Variants in NFATC3 observed in about 807,000 individuals in gnomAD.
The protein encoded by NFATC3 is nuclear factor of activated T cells 3, also known as nuclear factor of activated T-cells, cytoplasmic 3.
NFATC3 carries 46 observed loss-of-function variants against 98.6 expected under a neutral mutation model. That is an observed-to-expected ratio of 0.47 (90% CI 0.37 to 0.60). The LOEUF is 0.60. Among genes scored for constraint, NFATC3 ranks in the 20% least tolerant of loss-of-function variants. NFATC3 has a pLI of 0.00. For synonymous variants in NFATC3, 512 were observed against 472.2 expected (o/e 1.08, Z -1.09); for missense variants, 1,256 against 1,295.5 (o/e 0.97, Z 0.47).
At chr16:68,196,154 C>T (rs1035685471) in intron 9 of NFATC3, among the ~76,000 whole-genome samples, 1 of 152,060 alleles carries the variant, frequency 6.6e-6, no homozygotes, top group East Asian at 1.9e-4. Flanking sequence ...TATGGAGTCT[C>T]TATCACCCAG....
intron 3 of NFATC3, among the ~76,000 whole-genome samples, chr16:68,151,408 G>A (rs1000117298): frequency 1.3e-5 from 2 of 152,116 alleles, no homozygotes; most frequent in Admixed American, 1.3e-4. Flanking sequence ...ACAATGACAT[G>A]ATTTTTTGAA....
intron 6 of NFATC3, among the ~76,000 whole-genome samples, chr16:68,180,192 G>A (rs1281377255): frequency 1.3e-5 from 2 of 152,122 alleles, no homozygotes; most frequent in African/African-American, 4.8e-5. Context: ...CACAGAACTG[G>A]GGATGCTAGC....
intron 1 of NFATC3, among the ~76,000 whole-genome samples, chr16:68,091,230 T>C (rs1478717893): frequency 1.3e-5 from 2 of 152,204 alleles, no homozygotes; most frequent in Non-Finnish European, 2.9e-5. Flanking sequence ...TTGGGTATTA[T>C]ATACATAGCC....
At chr16:68,155,437 G>A (rs8044995) in intron 3 of NFATC3, among the ~76,000 whole-genome samples, 33,079 of 152,100 alleles carry the variant, frequency 0.22, 4,171 homozygotes, top group African/African-American at 0.34. Flanking sequence ...CTGAAGAGAT[G>A]CCCTGAGGCT....
In NFATC3 at chr16:68,121,367, T is replaced by G. The variant is rs562348562; in HGVS notation, c.104-620T>G. ...GTATTTTTTAGAATTATGGATGTGT[T>G]TTTTTTTTTTTAATAAACACATTTA... On this transcript the variant is annotated intron_variant, in intron 1 of 9. Coordinates refer to ENST00000346183, the MANE Select transcript of NFATC3 (RefSeq NM_173165.3). 5.5e-5 allele frequency among the ~76,000 whole-genome samples: 8 copies of G among 146,454 alleles called. No homozygotes were observed. In the East Asian group the frequency reaches 9.9e-4, roughly 18 times the overall value.
chr16:68,138,996 G>A lies in NFATC3; in HGVS notation c.1401+12386G>A, dbSNP rs560585211. 5.1e-4 allele frequency among the ~76,000 whole-genome samples: 77 copies of A among 151,942 alleles called. 4 individuals carry two copies. In the South Asian group the frequency reaches 0.015, roughly 30 times the overall value. On this transcript the variant is annotated intron_variant, in intron 3 of 9. Transcript: ENST00000346183. ...CACCTATCTATCCATTTACTTATTC[G>A]ATATGTATTTTTTGATTGCTCACTA...
chr16:68,120,718 G>T (rs1359033663), intron 1 of NFATC3, among the ~76,000 whole-genome samples: 1 of 150,714 alleles, frequency 6.6e-6, no homozygotes, highest in Non-Finnish European at 1.5e-5. Flanking sequence ...GGGCGACAGA[G>T]CAAGACTCCA....
intron 8 of NFATC3, among the ~76,000 whole-genome samples, chr16:68,185,566 A>C (rs940768668): frequency 6.6e-6 from 1 of 151,958 alleles, no homozygotes; most frequent in Non-Finnish European, 1.5e-5. Context: ...ACTACCTTAT[A>C]ATGGTAGTAA....
intron 6 of NFATC3, among the ~76,000 whole-genome samples, chr16:68,177,377 A>G (rs561717814): frequency 3.3e-5 from 5 of 152,208 alleles, no homozygotes; most frequent in African/African-American, 1.2e-4. Context: ...CTAGGACTTT[A>G]TTCCTTTCCC....
intron 4 of NFATC3, among the ~76,000 whole-genome samples, chr16:68,164,654 C>T (rs1034053637): frequency 2.0e-5 from 3 of 151,536 alleles, no homozygotes; most frequent in Admixed American, 6.6e-5. Context: ...CTGAGGTGGG[C>T]GGATCACGAG....
chr16:68,163,424 C>T (rs1480936320), intron 4 of NFATC3, among the ~76,000 whole-genome samples: 20 of 151,014 alleles, frequency 1.3e-4, no homozygotes, highest in Non-Finnish European at 1.5e-5. Context: ...GGGCTTCTCA[C>T]TTCCCAGTAG....
In NFATC3 at chr16:68,214,352, CACCAG is replaced by C. The variant is rs762712531; in HGVS notation, c.3107-11997_3107-11993del. On this transcript the variant is annotated intron_variant, in intron 9 of 9. Transcript: ENST00000346183. ...AGACCAATTTATATCTGACTTGGAA[CACCAG>C]CCATCAGGTTCAGCAGAGAAATGGC... 15 of 1,614,168 alleles carry C rather than the reference CACCAG, an allele frequency of 9.3e-6. No homozygotes were observed. In the Admixed American group the frequency reaches 2.5e-4, roughly 27 times the overall value.
intron 9 of NFATC3, among the ~76,000 whole-genome samples, chr16:68,215,654 A>C (rs773184139): frequency 1.3e-5 from 2 of 151,516 alleles, no homozygotes; most frequent in African/African-American, 4.8e-5. Context: ...AGAATTAGAT[A>C]CAGAGGGGAA....
At chr16:68,163,233 G>A (rs1335182727) in intron 4 of NFATC3, among the ~76,000 whole-genome samples, 3 of 151,868 alleles carry the variant, frequency 2.0e-5, no homozygotes, top group African/African-American at 7.3e-5. Context: ...ATCATGGCCC[G>A]TTCTCAATGA....
chr16:68,204,089 A>G (rs1423198983), intron 9 of NFATC3, among the ~76,000 whole-genome samples: 1 of 152,080 alleles, frequency 6.6e-6, no homozygotes, highest in East Asian at 1.9e-4. Flanking sequence ...TTGGGAGGCT[A>G]AGGCAGGAGA....
chr16:68,191,237 T>C lies in NFATC3; in HGVS notation c.2568T>C (p.Ser856=), dbSNP rs2040408484. The C allele has an allele frequency of 6.2e-7, 1 of 1,614,074 alleles. No individual in the cohort carries two copies. The highest frequency in any genetic ancestry group is 8.5e-7 in the Non-Finnish European group (1 of 1,180,052). Residue 856 remains serine (S), a synonymous_variant, in exon 9 of 10, where the codon TCT becomes TCC. Coordinates refer to ENST00000346183, the MANE Select transcript of NFATC3 (RefSeq NM_173165.3). ...CACTGTCATCCATACCATTTCATTC[T>C]TCAAATTCAGGCTCAACAGGACATC... ...CQPLSSIPFH[S]SNSGSTGHLL... is the part of the protein sequence containing the mutation.
intron 3 of NFATC3, among the ~76,000 whole-genome samples, chr16:68,131,217 A>C (rs2037095623): frequency 1.3e-5 from 2 of 152,134 alleles, no homozygotes; most frequent in Non-Finnish European, 2.9e-5. Context: ...GATTGCATTG[A>C]ATCTGTAGAA....
chr16:68,202,502 T>C (rs893215423), intron 9 of NFATC3, among the ~76,000 whole-genome samples: 4 of 152,168 alleles, frequency 2.6e-5, no homozygotes, highest in South Asian at 2.1e-4. Context: ...GTGGTTTCAC[T>C]GGTGTCTATT....
intron 1 of NFATC3, among the ~76,000 whole-genome samples, chr16:68,093,889 G>T (rs1164477870): frequency 6.6e-6 from 1 of 152,130 alleles, no homozygotes; most frequent in East Asian, 1.9e-4. Flanking sequence ...TGAAAGCAAG[G>T]GTCATGTTGG....
Sources: gnomAD v4.1 joint callset for allele counts (sites outside exome capture counted in the v4.1 genomes callset) on GRCh38, gnomAD v4.1.1 for gene constraint, MANE v1.5 for transcripts, NCBI Gene and HGNC (gene_info 2026-07-23, HGNC 2026-07-21) for gene names.